The following BCAS3 variants were observed in gnomAD, a reference collection of about 807,000 sequenced individuals.
BCAS3 encodes BCAS3 microtubule associated cell migration factor, also known as BCAS4/BCAS3 fusion.
A neutral mutation model predicts 116.1 loss-of-function variants in BCAS3; 53 were observed. The ratio of observed to expected loss-of-function variants is 0.46; its 90% CI spans 0.37 to 0.57. The LOEUF (loss-of-function observed/expected upper bound fraction) is 0.57. BCAS3 is among the 20% of genes least tolerant of loss of function. The pLI is 0.00. For missense variants in BCAS3, 917 were observed against 1,165.4 expected (o/e 0.79, Z 3.10); for synonymous variants, 391 against 408.2 (o/e 0.96, Z 0.51).
chr17:60,859,416 G>A (rs1225091568), intron 7 of BCAS3, among the ~76,000 whole-genome samples: 1 of 152,012 alleles, frequency 6.6e-6, no homozygotes, highest in Non-Finnish European at 1.5e-5. Flanking sequence ...TCATTGTTTA[G>A]CTCCCACTTA....
chr17:60,866,099 A>G (rs1380874483), intron 7 of BCAS3, among the ~76,000 whole-genome samples: 1 of 149,408 alleles, frequency 6.7e-6, no homozygotes, highest in Non-Finnish European at 1.5e-5. Flanking sequence ...AATAAAGTTC[A>G]CCTGGTTTTG....
In BCAS3 at chr17:61,074,921, G is replaced by A; in HGVS notation, c.2031G>A (p.Leu677=). Residue 677 remains leucine, a splice_region_variant and synonymous_variant, in exon 20 of 24, where the codon CTG becomes CTA. Transcript: ENST00000407086. Reference sequence around the variant, plus strand: ...AAATCTATTTTCTTTCTCCTATAGTGGTTCCCCCTGGAAGTCCTGGGCCCA... The same window carrying A: ...AAATCTATTTTCTTTCTCCTATAGTAGTTCCCCCTGGAAGTCCTGGGCCCA... ...VQYYQFLLAG[L]VPPGSPGPIT... is the part of the protein sequence containing the mutation. 7 of 1,607,508 alleles carry A rather than the reference G, an allele frequency of 4.4e-6. No homozygotes were observed. The South Asian group carries it at 6.6e-5, about 15-fold the overall frequency.
chr17:60,832,738 A>T (rs1299983217), intron 7 of BCAS3, among the ~76,000 whole-genome samples: 2 of 152,186 alleles, frequency 1.3e-5, no homozygotes, highest in Admixed American at 6.5e-5. Flanking sequence ...AATTCTAAAA[A>T]CTTTTGTAGT....
At chr17:60,896,066 C>T (rs953674026) in intron 10 of BCAS3, among the ~76,000 whole-genome samples, 13 of 152,226 alleles carry the variant, frequency 8.5e-5, no homozygotes, top group Non-Finnish European at 1.3e-4. Context: ...TTGCACATGC[C>T]TGTAATCCCA....
At chr17:60,843,225 T>C (rs1394734410) in intron 7 of BCAS3, among the ~76,000 whole-genome samples, 1 of 151,324 alleles carries the variant, frequency 6.6e-6, no homozygotes, top group Non-Finnish European at 1.5e-5. Context: ...GTTAATTTTT[T>C]TTTTTTTTTG....
rs984155046 is a variant in BCAS3 at position 61,387,662 on chromosome 17, A to G, written c.2594-4315A>G. Among the ~76,000 whole-genome samples the G allele has an allele frequency of 1.3e-5, 2 of 152,178 alleles. No individual in the cohort carries two copies. Among genetic ancestry groups the G allele is most frequent in the Non-Finnish European group, 2.9e-5 (2 of 68,030 alleles). On this transcript the variant is annotated intron_variant, in intron 23 of 23. Coordinates refer to ENST00000407086, the MANE Select transcript of BCAS3 (RefSeq NM_017679.5). The surrounding 1 kb of genome is among the most constrained non-coding windows in gnomAD (Gnocchi z 6.2). ...TGCGGGTAACAGGCCCATTTCCAAT[A>G]TGAGCCAACAGGGAATGGCTCTCCA...
intron 14 of BCAS3, among the ~76,000 whole-genome samples, chr17:60,950,961 A>G (rs1394848715): frequency 1.3e-5 from 2 of 152,210 alleles, no homozygotes; most frequent in Admixed American, 1.3e-4. Context: ...TTGCATAGTG[A>G]ATCCCGTGGA....
At chr17:61,194,309 C>T (rs2080340466) in intron 22 of BCAS3, among the ~76,000 whole-genome samples, 1 of 152,156 alleles carries the variant, frequency 6.6e-6, no homozygotes, top group Admixed American at 6.5e-5. Flanking sequence ...ATGTCACAGA[C>T]TTTGTCATTG....
At chr17:61,382,553 C>T (rs1315084780) in intron 23 of BCAS3, among the ~76,000 whole-genome samples, 2 of 151,672 alleles carry the variant, frequency 1.3e-5, no homozygotes, top group South Asian at 2.1e-4. Flanking sequence ...TGAGCCACCG[C>T]GCCTGGCCAG....
At chr17:60,889,002 G>A (rs1054880355) in intron 9 of BCAS3, among the ~76,000 whole-genome samples, 15 of 152,206 alleles carry the variant, frequency 9.9e-5, no homozygotes, top group African/African-American at 3.4e-4. Flanking sequence ...GGAAGAGTCA[G>A]CGGCGAAGAA....
intron 7 of BCAS3, among the ~76,000 whole-genome samples, chr17:60,839,033 T>C (rs2051637093): frequency 6.6e-6 from 1 of 152,170 alleles, no homozygotes; most frequent in Non-Finnish European, 1.5e-5. Context: ...TAGTAGAAAA[T>C]AGTATTGTAT....
rs532861204 is a variant in BCAS3 at position 61,366,419 on chromosome 17, G to A, written c.2426-1908G>A. Among the ~76,000 whole-genome samples, 9 of 152,286 alleles carry A rather than the reference G, an allele frequency of 5.9e-5. No individual in the cohort carries two copies. In the South Asian group the frequency reaches 8.3e-4, roughly 14 times the overall value. On this transcript the variant is annotated intron_variant, in intron 22 of 23. Transcript: ENST00000407086. The surrounding 1 kb of genome is among the most constrained non-coding windows in gnomAD (Gnocchi z 4.5). Reference sequence around the variant, plus strand: ...CTGGCTGTGCATCATGCAGTGAGTCGGCAGCAGAATCAGAAGCTTAGTGGA... The same window carrying A: ...CTGGCTGTGCATCATGCAGTGAGTCAGCAGCAGAATCAGAAGCTTAGTGGA...
At position 61,084,436 on chromosome 17, in the gene BCAS3, CAT is replaced by C. The variant is rs1396803757; in HGVS notation, c.2328-28_2328-27del. On this transcript the variant is annotated intron_variant, in intron 21 of 23. Coordinates refer to ENST00000407086, the MANE Select transcript of BCAS3 (RefSeq NM_017679.5). The surrounding 1 kb of genome is among the most constrained non-coding windows in gnomAD (Gnocchi z 5.5). ...CAAGTGACAGTTTTGATGCCAGTAA[CAT>C]ATGTGAATTAAATTAAATTGCATTG... The C allele has an allele frequency of 6.4e-7, 1 of 1,559,070 alleles. No individual in the cohort carries two copies.
At chr17:60,816,607 C>A (rs1244640848) in intron 7 of BCAS3, among the ~76,000 whole-genome samples, 2 of 152,026 alleles carry the variant, frequency 1.3e-5, no homozygotes, top group African/African-American at 4.8e-5. Flanking sequence ...AGTGCCTTTT[C>A]TAAGAAGAGG....
At chr17:61,035,613 C>G (rs2066963418) in intron 17 of BCAS3, among the ~76,000 whole-genome samples, 1 of 150,304 alleles carries the variant, frequency 6.7e-6, no homozygotes, top group African/African-American at 2.5e-5. Flanking sequence ...GAGGAAACAG[C>G]CTGCCAGTGA....
At chr17:61,045,974 ATAT>A (rs1223534966) in intron 19 of BCAS3, among the ~76,000 whole-genome samples, 33 of 10,744 alleles carry the variant, frequency 3.1e-3, no homozygotes, top group Non-Finnish European at 3.7e-3. Flanking sequence ...TAATATATAT[ATAT>A]TATATATATA....
chr17:61,228,177 T>C lies in BCAS3; in HGVS notation c.2426-140150T>C, dbSNP rs544500602. On this transcript the variant is annotated intron_variant, in intron 22 of 23. Coordinates refer to ENST00000407086, the MANE Select transcript of BCAS3 (RefSeq NM_017679.5). The surrounding 1 kb of genome is among the most constrained non-coding windows in gnomAD (Gnocchi z 5.0). ...ACTCCTTATTTGAAGGACAAGTACC[T>C]GGCTCTTAATTGAAGTCTTGAACAG... Among the ~76,000 whole-genome samples the C allele has an allele frequency of 7.9e-5, 12 of 152,320 alleles. No homozygotes were observed. The South Asian group carries it at 2.5e-3, about 32-fold the overall frequency.
At chr17:60,804,005 G>A (rs375062863) in intron 6 of BCAS3, among the ~76,000 whole-genome samples, 2 of 150,036 alleles carry the variant, frequency 1.3e-5, no homozygotes, top group East Asian at 2.0e-4. Context: ...GTTTCTCCAT[G>A]TTGGTCAAGC....
chr17:61,206,951 A>G (rs575604346), intron 22 of BCAS3, among the ~76,000 whole-genome samples: 1 of 149,504 alleles, frequency 6.7e-6, no homozygotes, highest in Non-Finnish European at 1.5e-5. Context: ...TGATTTCTAC[A>G]TGGATTCAAA....
Sources: gnomAD v4.1 joint callset for allele counts (sites outside exome capture counted in the v4.1 genomes callset) on GRCh38, gnomAD v4.1.1 for gene constraint, Gnocchi (gnomAD v3.1) non-coding constraint, MANE v1.5 for transcripts, NCBI Gene and HGNC (gene_info 2026-07-23, HGNC 2026-07-21) for gene names.